Variants in RANBP17 observed in about 807,000 individuals in gnomAD.
RANBP17 encodes the protein RAN binding protein 17, also known as ran-binding protein 17.
A neutral mutation model predicts 141.2 loss-of-function variants in RANBP17; 158 were observed. That is an observed-to-expected ratio of 1.12 (90% CI 0.98 to 1.28). The LOEUF is 1.28. RANBP17 is among the 50% of genes most tolerant of loss of function. The pLI is 0.00. For synonymous variants in RANBP17, 430 were observed against 450.0 expected (o/e 0.96, Z 0.56); for missense variants, 1,438 against 1,290.7 (o/e 1.11, Z -1.75).
chr5:170,889,185 A>T (rs993639658), intron 3 of RANBP17, among the ~76,000 whole-genome samples: 1 of 151,684 alleles, frequency 6.6e-6, no homozygotes, highest in African/African-American at 2.4e-5. Context: ...CTCTAGACAT[A>T]GATTATAGTG....
At chr5:171,174,431 C>T (rs1223820486) in intron 16 of RANBP17, among the ~76,000 whole-genome samples, 1 of 152,084 alleles carries the variant, frequency 6.6e-6, no homozygotes, top group Admixed American at 6.6e-5. Context: ...ATCAAGGAAG[C>T]TCCTGGGAAA....
intron 16 of RANBP17, among the ~76,000 whole-genome samples, chr5:171,176,778 A>G (rs1760511555): frequency 6.6e-6 from 1 of 152,200 alleles, no homozygotes; most frequent in Non-Finnish European, 1.5e-5. Flanking sequence ...ACCATTAAGT[A>G]TGCAGCTTTT....
At chr5:171,141,968 G>A (rs373449376) in intron 14 of RANBP17, among the ~76,000 whole-genome samples, 1 of 152,078 alleles carries the variant, frequency 6.6e-6, no homozygotes, top group Non-Finnish European at 1.5e-5. Flanking sequence ...CATATAAAAT[G>A]CGTAATTTGC....
intron 4 of RANBP17, among the ~76,000 whole-genome samples, chr5:170,895,096 G>A (rs1039617623): frequency 2.0e-5 from 3 of 152,116 alleles, no homozygotes; most frequent in Admixed American, 2.0e-4. Context: ...TAGGAAATCT[G>A]GAGCTCAGTT....
At chr5:171,018,056 G>T (rs754000111) in intron 14 of RANBP17, among the ~76,000 whole-genome samples, 42 of 152,052 alleles carry the variant, frequency 2.8e-4, no homozygotes, top group Non-Finnish European at 4.0e-4. Context: ...TTGAAGATCA[G>T]ATGGTTGTAG....
intron 25 of RANBP17, among the ~76,000 whole-genome samples, chr5:171,286,436 C>T (rs1312529845): frequency 6.6e-6 from 1 of 151,800 alleles, no homozygotes; most frequent in East Asian, 1.9e-4. Flanking sequence ...ATTTAAAATG[C>T]TAAATACTTT....
In RANBP17 at chr5:170,862,161, C is replaced by T. The variant is rs1766841795; in HGVS notation, c.18+110C>T. The stretch of plus-strand genomic sequence containing the variant: ...GCGGCGGAGGCCGCAGGGCCGTGGG[C>T]CGGTGTCCCCGGAGTCCCAGCCCCT... On this transcript the variant is annotated intron_variant, in intron 1 of 27. Transcript: ENST00000523189. 11 of 1,147,078 alleles carry T rather than the reference C, an allele frequency of 9.6e-6. No individual in the cohort carries two copies. In the South Asian group the frequency reaches 2.1e-4, roughly 21 times the overall value. The allele number at this position is 1,147,078 out of a possible 1,614,324, so 71.1% of individuals were successfully genotyped here.
intron 14 of RANBP17, among the ~76,000 whole-genome samples, chr5:171,154,643 G>T (rs762424361): frequency 4.6e-5 from 7 of 152,122 alleles, no homozygotes; most frequent in Non-Finnish European, 5.9e-5. Context: ...GGATTTACTA[G>T]AACAAATGTC....
intron 20 of RANBP17, chr5:171,206,664 A>G (rs1762595779): frequency 5.6e-6 from 1 of 178,980 alleles, no homozygotes; most frequent in East Asian, 9.3e-5. Context: ...CTTAAAGGTA[A>G]CTGTCAACTA....
intron 14 of RANBP17, among the ~76,000 whole-genome samples, chr5:170,975,257 G>A (rs2127540639): frequency 6.6e-6 from 1 of 152,290 alleles, no homozygotes; most frequent in African/African-American, 2.4e-5. Context: ...AGCTGGGCGT[G>A]GTGGCTCACA....
intron 24 of RANBP17, among the ~76,000 whole-genome samples, chr5:171,245,683 A>C (rs1034911663): frequency 6.6e-6 from 1 of 152,110 alleles, no homozygotes; most frequent in Non-Finnish European, 1.5e-5. Flanking sequence ...AGTTTGACTC[A>C]TTTGAGATCG....
chr5:170,892,563 C>A lies in RANBP17; in HGVS notation c.423+10C>A. On this transcript the variant is annotated intron_variant, in intron 4 of 27. Coordinates refer to ENST00000523189, the MANE Select transcript of RANBP17 (RefSeq NM_022897.5). ...GAAGAAGTTTCTCCAGGTAAGAAGT[C>A]ATTGCTACATGGTTAGAACATCACT... 1 of 1,609,500 alleles carries A rather than the reference C, an allele frequency of 6.2e-7. No individual in the cohort carries two copies. The highest frequency in any genetic ancestry group is 1.1e-5 in the South Asian group (1 of 90,368).
Position 170,918,403 on chromosome 5 carries a change from TAC to T in RANBP17, c.955-286_955-285del, listed in dbSNP as rs55900214. ...TTGTTGACTTCTGTTTAAACCACAG[TAC>T]ACACACACACACACACACACACAAC... On this transcript the variant is annotated intron_variant, in intron 9 of 27. Transcript: ENST00000523189. 8.6e-3 allele frequency: 1,390 copies of T among 161,338 alleles called. 8 individuals are homozygous for T. The highest frequency in any genetic ancestry group is 0.018 in the African/African-American group (728 of 40,818). 10.0% of individuals were successfully genotyped at this position (161,338 alleles called of 1,614,324 possible). A position where few individuals can be genotyped will look rare whatever the true frequency, so the allele number is the denominator to read the frequency against.
At position 170,924,486 on chromosome 5, in the gene RANBP17, A is replaced by G. The variant is rs559275635; in HGVS notation, c.1404A>G (p.Ala468=). ...ALLVQLFDQN[A]QNYQKLLHPY... ...TTGTGCAGTTATTCGACCAAAATGCACAGAATTACCAAAAACTTCTGCATC... is the reference window on the plus strand; with the variant it reads ...TTGTGCAGTTATTCGACCAAAATGCGCAGAATTACCAAAAACTTCTGCATC... Residue 468 remains alanine (A), a synonymous_variant, in exon 12 of 28, where the codon GCA becomes GCG. Transcript: ENST00000523189. The G allele has an allele frequency of 6.8e-6, 11 of 1,613,282 alleles. No individual in the cohort carries two copies. In the East Asian group the frequency reaches 2.2e-4, roughly 33 times the overall value.
At chr5:170,972,657 C>T (rs1080092) in intron 14 of RANBP17, among the ~76,000 whole-genome samples, 3,991 of 152,060 alleles carry the variant, frequency 0.026, 157 homozygotes, top group African/African-American at 0.09. Flanking sequence ...AACAATACTG[C>T]AGTAAATATT....
At position 170,919,554 on chromosome 5, in the gene RANBP17, AC is replaced by A; in HGVS notation, c.1217del (p.Pro406GlnfsTer17). The A allele has an allele frequency of 1.2e-6, 2 of 1,611,178 alleles. No individual in the cohort carries two copies. Among genetic ancestry groups the A allele is most frequent in the Non-Finnish European group, 1.7e-6 (2 of 1,178,846 alleles). On this transcript the variant is annotated frameshift_variant, in exon 11 of 28. Coordinates refer to ENST00000523189, the MANE Select transcript of RANBP17 (RefSeq NM_022897.5). LOFTEE classifies it high-confidence loss of function. ...AACCCCACCTATTAGACACTTATGC[AC>A]CAGAAATCACGAAGGCCTTTATCAC... Reference protein sequence around the residue: ...TEPHLLDTYAPEITKAFITSR... With the variant: ...TEPHLLDTYAXEITKAFITSR...
chr5:171,272,679 G>A (rs896416605), intron 25 of RANBP17, among the ~76,000 whole-genome samples: 1 of 152,238 alleles, frequency 6.6e-6, no homozygotes, highest in Non-Finnish European at 1.5e-5. Flanking sequence ...TATGTTTTGA[G>A]CACATAAAAT....
chr5:171,213,719 G>C lies in RANBP17; in HGVS notation c.2320G>C (p.Ala774Pro), dbSNP rs769489047. 1 of 1,612,850 alleles carries C rather than the reference G, an allele frequency of 6.2e-7. No individual in the cohort carries two copies. Among genetic ancestry groups the C allele is most frequent in the African/African-American group, 1.3e-5 (1 of 74,884 alleles). The change falls in exon 21 of 28, where the codon GCA becomes CCA. Residue 774 changes from alanine (A) to proline (P), a missense_variant. Ala to Pro is a conservative substitution (Grantham distance 27, BLOSUM62 -1). Coordinates refer to ENST00000523189, the MANE Select transcript of RANBP17 (RefSeq NM_022897.5). ...TCTTPILKLM[A>P]ELMQNRSQRL... ...TACAACTCCCATCTTGAAACTTATG[G>C]CAGAACTTATGCAAAACAGGTAAGC... is the stretch of plus-strand genomic sequence containing the variant.
rs1772270408 is a variant in RANBP17, at chr5:170,919,699, C to A, written c.1274+86C>A. The A allele has an allele frequency of 6.0e-6, 6 of 1,003,930 alleles. No individual in the cohort carries two copies. In the Admixed American group the frequency reaches 1.0e-4, roughly 17 times the overall value. 62.2% of individuals were successfully genotyped at this position (1,003,930 alleles called of 1,614,324 possible). The stretch of plus-strand genomic sequence containing the variant: ...AAAGTTATAAATTTAAAATTCACCC[C>A]TTTTAGCGTACAGTTGTATGATTTC... On this transcript the variant is annotated intron_variant, in intron 11 of 27. Coordinates refer to ENST00000523189, the MANE Select transcript of RANBP17 (RefSeq NM_022897.5).
Sources: gnomAD v4.1 joint callset for allele counts (sites outside exome capture counted in the v4.1 genomes callset) on GRCh38, gnomAD v4.1.1 for gene constraint, MANE v1.5 for transcripts, NCBI Gene and HGNC (gene_info 2026-07-23, HGNC 2026-07-21) for gene names.